Variants in SUMO2 observed in about 807,000 individuals in gnomAD.
SUMO2 encodes small ubiquitin like modifier 2, also known as small ubiquitin-related modifier 2.
Under a neutral mutation model 16.0 loss-of-function variants are expected in SUMO2, and 1 was observed. That is an observed-to-expected ratio of 0.06 (90% CI 0.02 to 0.30). The LOEUF is 0.30. Among genes scored for constraint, SUMO2 ranks in the 10% least tolerant of loss-of-function variants. SUMO2 has a pLI of 1.00. For synonymous variants in SUMO2, 36 were observed against 40.6 expected, an observed-to-expected ratio of 0.89 and a Z score of 0.43; for missense variants, 16 against 117.5, an observed-to-expected ratio of 0.14 and a Z score of 3.99.
intron 2 of SUMO2, among the ~76,000 whole-genome samples, chr17:75,177,112 GGGAGGT>G (rs1482910125): frequency 2.6e-5 from 4 of 151,800 alleles, no homozygotes; most frequent in African/African-American, 9.7e-5. Flanking sequence ...GCATGAACCC[GGGAGGT>G]GGAGGTTGCA....
intron 2 of SUMO2, among the ~76,000 whole-genome samples, chr17:75,179,081 C>A (rs985746531): frequency 6.6e-6 from 1 of 152,132 alleles, no homozygotes; most frequent in African/African-American, 2.4e-5. Context: ...TGCAGTTTTG[C>A]TAAAGAAGTT....
chr17:75,167,939 T>C lies in SUMO2; in HGVS notation c.*400A>G, dbSNP rs549921947. On this transcript the variant is annotated 3_prime_UTR_variant, in exon 4 of 4. Transcript: ENST00000420826. Reference sequence around the variant, plus strand: ...TAAAATTCTCCAATTGAACAAGGTATGCAAGGATTTTTATGTTGTTGTTTT... The same window carrying C: ...TAAAATTCTCCAATTGAACAAGGTACGCAAGGATTTTTATGTTGTTGTTTT... 2 of 161,230 alleles carry C rather than the reference T, an allele frequency of 1.2e-5. No homozygotes were observed. The highest frequency in any genetic ancestry group is 2.8e-5 in the Non-Finnish European group (2 of 71,596). The allele number at this position is 161,230 out of a possible 1,614,324, so 10.0% of individuals were successfully genotyped here.
At chr17:75,182,208 CCT>C (rs2145228528) in intron 1 of SUMO2, among the ~76,000 whole-genome samples, 1 of 152,308 alleles carries the variant, frequency 6.6e-6, no homozygotes, top group Admixed American at 6.5e-5. Flanking sequence ...CCTTCGGGCC[CCT>C]GAGGCTATTA....
intron 3 of SUMO2, among the ~76,000 whole-genome samples, chr17:75,170,917 C>T (rs1383129451): frequency 6.6e-6 from 1 of 150,740 alleles, no homozygotes; most frequent in Non-Finnish European, 1.5e-5. Context: ...TACCATATAG[C>T]CGTTAAAAAA....
rs1472918362 is a variant in SUMO2, at chr17:75,167,805, T to C, written c.*534A>G. On this transcript the variant is annotated 3_prime_UTR_variant, in exon 4 of 4. Transcript: ENST00000420826. ...GAAAACTATCTAGGATTCTTTTTTG[T>C]TTTAGAGTAATTTATCCCTACTTAA... 1.3e-5 allele frequency: 2 copies of C among 159,660 alleles called. No homozygotes were observed. Among genetic ancestry groups the C allele is most frequent in the Non-Finnish European group, 2.9e-5 (2 of 68,068 alleles). 9.9% of individuals were successfully genotyped at this position (159,660 alleles called of 1,614,324 possible). A position where few individuals can be genotyped will look rare whatever the true frequency, so the allele number is the denominator to read the frequency against.
In SUMO2 at chr17:75,179,819, C is replaced by G. The variant is rs192623853; in HGVS notation, c.153+1238G>C. On this transcript the variant is annotated intron_variant, in intron 2 of 3. Coordinates refer to ENST00000420826, the MANE Select transcript of SUMO2 (RefSeq NM_006937.4). Reference sequence around the variant, plus strand: ...GATTATGCGCGTGTAACACCACGCCCAGCTAATTTTTTTGGATTTTTAGTA... The same window carrying G: ...GATTATGCGCGTGTAACACCACGCCGAGCTAATTTTTTTGGATTTTTAGTA... Among the ~76,000 whole-genome samples, 49 of 152,010 alleles carry G rather than the reference C, an allele frequency of 3.2e-4. 1 individual carries two copies. In the East Asian group the frequency reaches 8.7e-3, roughly 27 times the overall value.
intron 3 of SUMO2, among the ~76,000 whole-genome samples, chr17:75,169,095 G>A (rs574288441): frequency 5.9e-5 from 9 of 151,698 alleles, no homozygotes; most frequent in African/African-American, 1.7e-4. Context: ...AGCCAGCCAT[G>A]GTGACACATG....
chr17:75,174,905 T>C, intron 2 of SUMO2, 82 bp from the exon 3 acceptor site: 6 of 1,214,070 alleles, frequency 4.9e-6, no homozygotes, highest in South Asian at 1.4e-5. Context: ...TATTTAACCA[T>C]GAATATATTA....
rs1389138401 is a variant in SUMO2, at chr17:75,174,812, C to T, written c.165G>A (p.Met55Ile). The change falls in exon 3 of 4, where the codon ATG becomes ATA. Residue 55 changes from methionine to isoleucine, a missense_variant. Met to Ile is a conservative substitution (Grantham distance 10). Transcript: ENST00000420826. ...KAYCERQGLS[M>I]RQIRFRFDGQ... ...CGTCAAATCGGAATCTGATCTGCCT[C>T]ATTGACAATCCCTGAACGAGAATTT... 6.2e-7 allele frequency: 1 copy of T among 1,613,698 alleles called. No individual in the cohort carries two copies. Among genetic ancestry groups the T allele is most frequent in the Non-Finnish European group, 8.5e-7 (1 of 1,179,882 alleles).
intron 1 of SUMO2, among the ~76,000 whole-genome samples, 190 bp from the exon 2 acceptor site, chr17:75,181,378 T>C (rs1429823081): frequency 6.6e-6 from 1 of 152,122 alleles, no homozygotes; most frequent in Non-Finnish European, 1.5e-5. Flanking sequence ...CAGTATTAGA[T>C]AGCTGTCAGA....
At chr17:75,175,109 A>G (rs1281375232) in intron 2 of SUMO2, among the ~76,000 whole-genome samples, 2 of 151,632 alleles carry the variant, frequency 1.3e-5, no homozygotes, top group African/African-American at 4.8e-5. Context: ...GCCTCCCAAG[A>G]GTAGCTGGGA....
intron 2 of SUMO2, among the ~76,000 whole-genome samples, chr17:75,179,219 A>G (rs1344016496): frequency 6.6e-6 from 1 of 152,012 alleles, no homozygotes; most frequent in Non-Finnish European, 1.5e-5. Context: ...TTTCAGCAAA[A>G]TTCTTCAAAT....
intron 2 of SUMO2, 77 bp downstream of exon 2, chr17:75,180,975 GCTAGT>G (rs549068765): frequency 4.6e-6 from 7 of 1,533,054 alleles, no homozygotes; most frequent in Admixed American, 3.5e-5. Flanking sequence ...ACTGTAATGT[GCTAGT>G]CTAGTTTTTG....
At chr17:75,180,965 A>ACTGT (rs1426765715) in intron 2 of SUMO2, 92 bp downstream of exon 2, 1 of 1,476,246 alleles carries the variant, frequency 6.8e-7, no homozygotes, top group African/African-American at 1.4e-5. Flanking sequence ...TCAAAAAGTC[A>ACTGT]CTGTAATGTG....
intron 2 of SUMO2, among the ~76,000 whole-genome samples, chr17:75,178,294 T>C (rs2074799669): frequency 6.6e-6 from 1 of 151,988 alleles, no homozygotes; most frequent in African/African-American, 2.4e-5. Flanking sequence ...AGCAGGCGGA[T>C]CACGAGGTCA....
intron 1 of SUMO2, 62 bp from the exon 2 acceptor site, chr17:75,181,250 G>C: frequency 6.4e-7 from 1 of 1,563,764 alleles, no homozygotes; most frequent in South Asian, 1.1e-5. Context: ...GTTTTATAAA[G>C]CAGCAGCAGC....
intron 2 of SUMO2, among the ~76,000 whole-genome samples, chr17:75,180,109 G>A (rs763564386): frequency 6.6e-5 from 10 of 152,002 alleles, no homozygotes; most frequent in Non-Finnish European, 8.8e-5. Context: ...GAGAGGCCAA[G>A]GTGGGCGGAT....
chr17:75,182,230 A>C (rs990645718), intron 1 of SUMO2, among the ~76,000 whole-genome samples: 3 of 152,048 alleles, frequency 2.0e-5, no homozygotes, highest in African/African-American at 7.2e-5. Flanking sequence ...AAAGTGGGAA[A>C]TACTCCACGG....
At chr17:75,169,592 C>T (rs1249825113) in intron 3 of SUMO2, among the ~76,000 whole-genome samples, 2 of 151,864 alleles carry the variant, frequency 1.3e-5, no homozygotes, top group African/African-American at 4.8e-5. Context: ...ACCGTGTTAG[C>T]CAGGACAGTC....
Sources: gnomAD v4.1 joint callset for allele counts (sites outside exome capture counted in the v4.1 genomes callset) on GRCh38, gnomAD v4.1.1 for gene constraint, MANE v1.5 for transcripts, NCBI Gene and HGNC (gene_info 2026-07-23, HGNC 2026-07-21) for gene names.